Variants in MCRS1 observed in about 807,000 individuals in gnomAD.
MCRS1 encodes the protein microspherule protein 1.
In MCRS1, 22 loss-of-function variants were observed where a neutral mutation model predicts 62.9. The ratio of observed to expected loss-of-function variants is 0.35; its 90% confidence interval spans 0.25 to 0.50. MCRS1 has a LOEUF of 0.50. MCRS1 is among the 20% of genes least tolerant of loss of function. MCRS1 has a pLI of 0.98. For synonymous variants in MCRS1, 244 were observed against 233.5 expected, an observed-to-expected ratio of 1.04 and a Z score of -0.41; for missense variants, 456 against 601.1, an observed-to-expected ratio of 0.76 and a Z score of 2.52.
In MCRS1 at chr12:49,559,949, G is replaced by A; in HGVS notation, c.900C>T (p.Val300=). The change falls in exon 10 of 15, where the codon GTC becomes GTT. Residue 300 remains valine (V), a synonymous_variant. Transcript: ENST00000343810. The surrounding 1 kb of genome is among the most constrained non-coding windows in gnomAD (Gnocchi z 5.2). ...DSKLKDMRDE[V]LEHELMVADR... Reference sequence around the variant, plus strand: ...TGAGGCCATACTTACCATGTTCCAGGACCTCATCTCGCATGTCCCTGAGGG... The same window carrying A: ...TGAGGCCATACTTACCATGTTCCAGAACCTCATCTCGCATGTCCCTGAGGG... 1 of 1,614,174 alleles carries A rather than the reference G, an allele frequency of 6.2e-7. No homozygotes were observed. Among genetic ancestry groups the A allele is most frequent in the Non-Finnish European group, 8.5e-7 (1 of 1,180,032 alleles).
At chr12:49,566,437 C>T in intron 2 of MCRS1, 1 of 1,572,148 alleles carries the variant, frequency 6.4e-7, no homozygotes, top group Non-Finnish European at 8.6e-7. Flanking sequence ...TGCCACGTGT[C>T]ATGTCGTGCA....
In MCRS1 at chr12:49,559,976, C is replaced by A; in HGVS notation, c.882-9G>T. 1.2e-6 allele frequency: 2 copies of A among 1,614,156 alleles called. No homozygotes were observed. The highest frequency in any genetic ancestry group is 1.7e-6 in the Non-Finnish European group (2 of 1,180,010). ...CCTCATCTCGCATGTCCCTGAGGGG[C>A]AAGAAGAGAAGGAAGATTTAGGTCC... On this transcript the variant is annotated splice_polypyrimidine_tract_variant and intron_variant, in intron 9 of 14. Transcript: ENST00000343810. The surrounding 1 kb of genome is among the most constrained non-coding windows in gnomAD (Gnocchi z 5.2).
chr12:49,563,872 C>T (rs544814589), intron 6 of MCRS1, among the ~76,000 whole-genome samples: 10 of 152,206 alleles, frequency 6.6e-5, no homozygotes, highest in Non-Finnish European at 1.5e-4. Context: ...CTGCCTACCA[C>T]CTCCCCTTTC....
chr12:49,564,699 G>C, intron 5 of MCRS1, 38 bp downstream of exon 5: 1 of 1,602,168 alleles, frequency 6.2e-7, no homozygotes, highest in Non-Finnish European at 8.5e-7. Context: ...TGGAGGTTGG[G>C]GGAAAGGGGC....
In MCRS1 at chr12:49,565,664, G is replaced by A. The variant is rs1939018428; in HGVS notation, c.153C>T (p.Phe51=). The change falls in exon 4 of 15, where the codon TTC becomes TTT. Residue 51 remains phenylalanine (F), a synonymous_variant. Coordinates refer to ENST00000343810, the MANE Select transcript of MCRS1 (RefSeq NM_006337.5). ...CATCATCGAACTTCTTCCTCTTGAT[G>A]AACCTGTAAAGGGTCCTGCCCAGTG... The part of the protein sequence containing the change: ...TIPKRRSSSR[F]IKRKKFDDEL... 1.2e-6 allele frequency: 2 copies of A among 1,614,050 alleles called. No individual in the cohort carries two copies. Among genetic ancestry groups the A allele is most frequent in the Middle Eastern group, 1.7e-4 (1 of 6,058 alleles).
chr12:49,561,818 G>A (rs781113447), intron 8 of MCRS1, among the ~76,000 whole-genome samples: 6 of 151,500 alleles, frequency 4.0e-5, no homozygotes, highest in Non-Finnish European at 1.5e-5. Flanking sequence ...TAGTAGAGAC[G>A]GGGTTATACC....
rs553272358 is a variant in MCRS1, at chr12:49,566,580, C to T, written c.10+142G>A. 108 of 1,485,686 alleles carry T rather than the reference C, an allele frequency of 7.3e-5. 1 individual carries two copies. The African/African-American group carries it at 1.2e-3, about 16-fold the overall frequency. The allele number at this position is 1,485,686 out of a possible 1,614,324, so 92.0% of individuals were successfully genotyped here. On this transcript the variant is annotated intron_variant, in intron 2 of 14. Coordinates refer to ENST00000343810, the MANE Select transcript of MCRS1 (RefSeq NM_006337.5). ...GCAAGTCAGTCAACTGTGGCTCTGC[C>T]GACAGGTACATGGGTGGTGCTGGCC...
chr12:49,559,673 C>T lies in MCRS1; in HGVS notation c.1003+56G>A. 2 of 1,606,364 alleles carry T rather than the reference C, an allele frequency of 1.2e-6. No homozygotes were observed. The highest frequency in any genetic ancestry group is 1.7e-6 in the Non-Finnish European group (2 of 1,174,046). On this transcript the variant is annotated intron_variant, in intron 11 of 14. Transcript: ENST00000343810. This position sits in a 1 kb window ranked among gnomAD's most constrained non-coding sequence, Gnocchi z 5.2. Reference sequence around the variant, plus strand: ...CCCCAGCCAGGCAGCAACAGGGGCACAGGCTGGGGCGAAGGATGCTGAAGA... The same window carrying T: ...CCCCAGCCAGGCAGCAACAGGGGCATAGGCTGGGGCGAAGGATGCTGAAGA...
chr12:49,561,483 C>T (rs925593130), intron 8 of MCRS1, among the ~76,000 whole-genome samples: 56 of 152,298 alleles, frequency 3.7e-4, no homozygotes, highest in Admixed American at 9.8e-4. Flanking sequence ...GCAATGTGTC[C>T]TGCCTATTCC....
chr12:49,560,212 C>T (rs888983188), intron 9 of MCRS1, 83 bp downstream of exon 9: 14 of 1,471,286 alleles, frequency 9.5e-6, no homozygotes, highest in Middle Eastern at 1.7e-4. Flanking sequence ...AGCCCAAGGG[C>T]TGGGGCTGGG....
At chr12:49,566,428 G>A (rs1939067453) in intron 2 of MCRS1, 3 of 1,575,506 alleles carry the variant, frequency 1.9e-6, no homozygotes, top group African/African-American at 1.3e-5. Flanking sequence ...TTCCCCCGGT[G>A]CCACGTGTCA....
At chr12:49,566,488 G>A (rs927167063) in intron 2 of MCRS1, 3 of 1,549,030 alleles carry the variant, frequency 1.9e-6, no homozygotes, top group Non-Finnish European at 2.6e-6. Flanking sequence ...CCGACACGCT[G>A]GGCTCTGGGC....
intron 9 of MCRS1, 114 bp downstream of exon 9, chr12:49,560,181 G>T (rs536438050): frequency 1.9e-5 from 24 of 1,279,628 alleles, no homozygotes; most frequent in Admixed American, 5.1e-5. Flanking sequence ...GCTCAGCCAG[G>T]GGGGGCCAAG....
chr12:49,560,034 GGCATCCCTGAGCCCCTTTA>G (rs1193915943), intron 9 of MCRS1, 67 bp from the exon 10 acceptor site: 1 of 1,598,366 alleles, frequency 6.3e-7, no homozygotes. Context: ...GGCTCATTAG[GGCATCCCTGAGCCCCTTTA>G]GCCAAGTGGC....
Position 49,558,667 on chromosome 12 carries a change from C to T in MCRS1, c.1365G>A (p.Glu455=), listed in dbSNP as rs147790685. The part of the protein sequence containing the change: ...NQDLIALIRA[E]AAKITPQ ...CTCACTGTGGTGTGATCTTGGCAGC[C>T]TCAGCCCTGATGAGGGCAATGAGGT... The change falls in exon 15 of 15, where the codon GAG becomes GAA. Residue 455 remains glutamate, a synonymous_variant. Transcript: ENST00000343810. 666 of 1,613,724 alleles carry T rather than the reference C, an allele frequency of 4.1e-4. 5 individuals carry two copies. In the East Asian group the frequency reaches 0.014, roughly 34 times the overall value.
At chr12:49,562,860 T>TG in intron 8 of MCRS1, 141 bp downstream of exon 8, 1 of 1,118,124 alleles carries the variant, frequency 8.9e-7, no homozygotes, top group Non-Finnish European at 1.2e-6. Context: ...TAGTTTTTTT[T>TG]GCAATGTGAG....
Position 49,565,543 on chromosome 12 carries a change from T to C in MCRS1, c.274A>G (p.Ser92Gly). 1 of 1,599,122 alleles carries C rather than the reference T, an allele frequency of 6.3e-7. No individual in the cohort carries two copies. The highest frequency in any genetic ancestry group is 1.7e-4 in the Middle Eastern group (1 of 5,976). Residue 92 changes from serine to glycine, a missense_variant, in exon 4 of 15, where the codon AGT becomes GGT. Physicochemically the swap from Ser to Gly is moderately conservative, Grantham distance 56 (BLOSUM62 0). Coordinates refer to ENST00000343810, the MANE Select transcript of MCRS1 (RefSeq NM_006337.5). ...GRCSGSEPSS[S>G]EKKKVSKAPS... Reference sequence around the variant, plus strand: ...CAATTCCTCACCTTCTTCTTCTCACTGGAGGAGGGTTCACTCCCCGAACAG... The same window carrying C: ...CAATTCCTCACCTTCTTCTTCTCACCGGAGGAGGGTTCACTCCCCGAACAG...
rs762885009 is a variant in MCRS1 at position 49,559,260 on chromosome 12, C to T, written c.1128G>A (p.Val376=). ...GRATKDNQID[V]DLSLEGPAWK... is the part of the protein sequence containing the mutation. Reference sequence around the variant, plus strand: ...AGGCCGGACCCTCCAGAGACAGGTCCACATCAATCTGGTTATCCTTGGTTG... The same window carrying T: ...AGGCCGGACCCTCCAGAGACAGGTCTACATCAATCTGGTTATCCTTGGTTG... Residue 376 remains valine, a synonymous_variant, in exon 13 of 15, where the codon GTG becomes GTA. Coordinates refer to ENST00000343810, the MANE Select transcript of MCRS1 (RefSeq NM_006337.5). This position sits in a 1 kb window ranked among gnomAD's most constrained non-coding sequence, Gnocchi z 5.2. The T allele has an allele frequency of 6.2e-7, 1 of 1,614,114 alleles. No individual in the cohort carries two copies. The highest frequency in any genetic ancestry group is 8.5e-7 in the Non-Finnish European group (1 of 1,180,010).
In MCRS1 at chr12:49,563,553, A is replaced by C; in HGVS notation, c.558-7T>G. On this transcript the variant is annotated splice_polypyrimidine_tract_variant and splice_region_variant and intron_variant, in intron 6 of 14. Transcript: ENST00000343810. ...CATGGCCTGACAGGCCAACCTGGAC[A>C]CGGAAAGAGACAGAGGGGAGGGGTG... 1 of 1,602,252 alleles carries C rather than the reference A, an allele frequency of 6.2e-7. No individual in the cohort carries two copies. The highest frequency in any genetic ancestry group is 2.2e-5 in the East Asian group (1 of 44,852).
Sources: gnomAD v4.1 joint callset for allele counts (sites outside exome capture counted in the v4.1 genomes callset) on GRCh38, gnomAD v4.1.1 for gene constraint, Gnocchi (gnomAD v3.1) non-coding constraint, MANE v1.5 for transcripts, NCBI Gene and HGNC (gene_info 2026-07-23, HGNC 2026-07-21) for gene names.